The following LIPJ variants were observed in gnomAD, a reference collection of about 807,000 sequenced individuals.
LIPJ encodes lipase family member J.
In LIPJ, 33 loss-of-function variants were observed where a neutral mutation model predicts 39.8. The observed-to-expected ratio is 0.83, with a 90% CI of 0.63 to 1.11. LIPJ has a LOEUF of 1.11. Ranked by LOEUF, LIPJ falls within the 50% of genes least tolerant of loss-of-function variation. The pLI is 0.00. For synonymous variants in LIPJ, 128 were observed against 139.2 expected (o/e 0.92, Z 0.57); for missense variants, 422 against 427.9 (o/e 0.99, Z 0.12).
chr10:88,602,561 T>A lies in LIPJ; in HGVS notation c.724-15T>A. 1.4e-6 allele frequency: 2 copies of A among 1,479,028 alleles called. No homozygotes were observed. The highest frequency in any genetic ancestry group is 1.8e-6 in the Non-Finnish European group (2 of 1,094,218). 91.6% of individuals were successfully genotyped at this position (1,479,028 alleles called of 1,614,324 possible). On this transcript the variant is annotated splice_polypyrimidine_tract_variant and intron_variant, in intron 8 of 10. Transcript: ENST00000371939. ...CTTATATAAAAATGCTTTTTTTTTT[T>A]TTTTTACCCCTCAGAGTCGTTTGGA...
the LIPJ span, among the ~76,000 whole-genome samples, chr10:88,614,806 A>C: frequency 2.0e-5 from 3 of 152,206 alleles, no homozygotes; most frequent in Non-Finnish European, 4.4e-5. Context: ...ATAAAATTAC[A>C]GTACTTAAGA....
chr10:88,615,212 G>T, the LIPJ span, among the ~76,000 whole-genome samples: 1 of 152,120 alleles, frequency 6.6e-6, no homozygotes, highest in East Asian at 1.9e-4. Flanking sequence ...AATATACAAA[G>T]AATTTCTACA....
chr10:88,586,484 C>T (rs1850924073), upstream of LIPJ, among the ~76,000 whole-genome samples: 5 of 152,168 alleles, frequency 3.3e-5, no homozygotes, highest in South Asian at 1.0e-3. Context: ...CCTTGAATGA[C>T]TTCATTCAAA....
At chr10:88,606,796 C>T (rs1851681415) in exon 11 of LIPJ, 1 of 1,612,810 alleles carries the variant, frequency 6.2e-7, no homozygotes, top group African/African-American at 1.3e-5. Flanking sequence ...TCACAAACCA[C>T]ATTTATTATA....
chr10:88,601,818 G>T lies in LIPJ; in HGVS notation c.724-758G>T, dbSNP rs373124925. On this transcript the variant is annotated intron_variant, in intron 8 of 10. Transcript: ENST00000371939. ...CATATACTTGCTTTTCTTTGAGTAG[G>T]GTTAACTGATTTTGAGAAATTTTTA... Among the ~76,000 whole-genome samples, 3 of 151,934 alleles carry T rather than the reference G, an allele frequency of 2.0e-5. No homozygotes were observed. In the East Asian group the frequency reaches 5.8e-4, roughly 29 times the overall value.
intron 4 of LIPJ, chr10:88,592,530 T>C (rs1851114566): frequency 6.6e-6 from 1 of 151,842 alleles, no homozygotes. Context: ...ATAATATGAC[T>C]CAGCTTGGGG....
chr10:88,599,500 T>G (rs1334770706), intron 8 of LIPJ, among the ~76,000 whole-genome samples: 2 of 152,010 alleles, frequency 1.3e-5, no homozygotes, highest in African/African-American at 4.8e-5. Context: ...TTATTTAAGA[T>G]TCTACGTAGG....
chr10:88,619,470 C>CACACACACACAT, the LIPJ span, among the ~76,000 whole-genome samples: 1 of 151,854 alleles, frequency 6.6e-6, no homozygotes, highest in East Asian at 1.9e-4. Flanking sequence ...CACACACACA[C>CACACACACACAT]ATATCCCTTT....
the LIPJ span, among the ~76,000 whole-genome samples, chr10:88,614,944 G>C: frequency 6.6e-6 from 1 of 151,958 alleles, no homozygotes; most frequent in African/African-American, 2.4e-5. Flanking sequence ...GAAAACTTTG[G>C]GGTTTACAAT....
intron 8 of LIPJ, among the ~76,000 whole-genome samples, chr10:88,598,899 T>A (rs887695738): frequency 3.4e-5 from 5 of 148,248 alleles, no homozygotes; most frequent in African/African-American, 1.2e-4. Context: ...TATACCTGAG[T>A]TTAAATTTAT....
intron 8 of LIPJ, among the ~76,000 whole-genome samples, chr10:88,601,510 G>A (rs752003984): frequency 2.0e-4 from 30 of 152,102 alleles, no homozygotes; most frequent in Non-Finnish European, 3.5e-4. Flanking sequence ...CACACAGACC[G>A]ATTTCTGTTT....
At chr10:88,609,774 C>T (rs190733420), downstream of LIPJ, among the ~76,000 whole-genome samples, 130 of 152,046 alleles carry the variant, frequency 8.6e-4, 1 homozygote, top group Non-Finnish European at 1.7e-3. Flanking sequence ...TGGTGTGCAC[C>T]TGTAGTCCCA....
downstream of LIPJ, among the ~76,000 whole-genome samples, chr10:88,608,152 A>G (rs142487666): frequency 2.0e-5 from 3 of 152,158 alleles, no homozygotes; most frequent in East Asian, 5.8e-4. Flanking sequence ...ATCATACTCA[A>G]CTCCTGCCTA....
downstream of LIPJ, among the ~76,000 whole-genome samples, chr10:88,609,195 C>T (rs1166144217): frequency 6.6e-6 from 1 of 152,170 alleles, no homozygotes; most frequent in African/African-American, 2.4e-5. Flanking sequence ...ATAAATTAAA[C>T]ATACAGATAG....
the LIPJ span, among the ~76,000 whole-genome samples, chr10:88,622,167 A>G: frequency 3.3e-5 from 5 of 152,176 alleles, no homozygotes; most frequent in Admixed American, 2.6e-4. Context: ...GGCAGCTCAC[A>G]ATAGTTGACT....
exon 4 of LIPJ, chr10:88,591,458 T>C (rs150354321): frequency 3.7e-6 from 6 of 1,602,072 alleles, no homozygotes; most frequent in Middle Eastern, 1.7e-4. Flanking sequence ...TTGGCCTTTA[T>C]AGAATTCCTT....
intron 5 of LIPJ, chr10:88,594,419 A>G: frequency 4.2e-6 from 2 of 472,626 alleles, no homozygotes; most frequent in South Asian, 6.8e-5. Context: ...TATAACTCAT[A>G]TATTTTGTCT....
At chr10:88,586,046 C>T (rs185431548), upstream of LIPJ, among the ~76,000 whole-genome samples, 32 of 152,310 alleles carry the variant, frequency 2.1e-4, no homozygotes, top group Non-Finnish European at 3.4e-4. Context: ...CCTTTACTTA[C>T]GCTGTTCTCT....
Position 88,589,638 on chromosome 10 carries a change from G to A in LIPJ, c.-103-947G>A, listed in dbSNP as rs967818548. ...TCAAGCGGTCAGTGCACAGGAAACT[G>A]GACTAATAAATATGTAAGAAAGACA... On this transcript the variant is annotated intron_variant, in intron 2 of 10. Coordinates refer to ENST00000371939, the Ensembl canonical transcript of LIPJ. Among the ~76,000 whole-genome samples the A allele has an allele frequency of 8.6e-5, 13 of 151,418 alleles. No homozygotes were observed. In the South Asian group the frequency reaches 1.7e-3, roughly 19 times the overall value.
Sources: allele counts gnomAD v4.1 joint callset (sites outside exome capture counted in the v4.1 genomes callset), GRCh38; gene constraint gnomAD v4.1.1; transcripts MANE v1.5; gene names NCBI Gene and HGNC (gene_info 2026-07-23, HGNC 2026-07-21).